The following CCDC154 variants were observed in gnomAD, a reference collection of about 807,000 sequenced individuals.
CCDC154 encodes coiled-coil domain-containing protein 154.
CCDC154 carries 91 observed loss-of-function variants against 87.5 expected under a neutral mutation model. The observed-to-expected ratio is 1.04, with a 90% CI of 0.88 to 1.24. The LOEUF (loss-of-function observed/expected upper bound fraction) is 1.24. Ranked by LOEUF, CCDC154 falls within the 50% of genes most tolerant of loss-of-function variation. The pLI, the probability that CCDC154 is intolerant of heterozygous loss-of-function variation, is 0.00. For synonymous variants in CCDC154, 418 were observed against 400.4 expected (o/e 1.04, Z -0.52); for missense variants, 903 against 879.2 (o/e 1.03, Z -0.34).
At position 1,438,183 on chromosome 16, in the gene CCDC154, G is replaced by T. The variant is rs753765677; in HGVS notation, c.1026-7C>A. The T allele has an allele frequency of 4.6e-6, 7 of 1,531,634 alleles. No homozygotes were observed. The highest frequency in any genetic ancestry group is 5.3e-6 in the Non-Finnish European group (6 of 1,137,574). The allele number at this position is 1,531,634 out of a possible 1,614,324, so 94.9% of individuals were successfully genotyped here. Reference sequence around the variant, plus strand: ...CAAGCGCCCCTTGGCGTCCCTAGGGGTTGGGGACACATAGACACCCTCAGT... The same window carrying T: ...CAAGCGCCCCTTGGCGTCCCTAGGGTTTGGGGACACATAGACACCCTCAGT... On this transcript the variant is annotated splice_region_variant and splice_polypyrimidine_tract_variant and intron_variant, in intron 9 of 16. Coordinates refer to ENST00000389176, the MANE Select transcript of CCDC154 (RefSeq NM_001143980.3).
chr16:1,435,225 C>A (rs1352333436), intron 14 of CCDC154, 50 bp from the exon 15 acceptor site: 3 of 1,492,230 alleles, frequency 2.0e-6, no homozygotes, highest in Non-Finnish European at 2.7e-6. Context: ...TGCTGGCATC[C>A]TGCTGTCCCC....
chr16:1,443,719 G>C (rs761600451), intron 2 of CCDC154, 24 bp from the exon 3 acceptor site: 2 of 1,300,830 alleles, frequency 1.5e-6, no homozygotes, highest in African/African-American at 1.5e-5. Context: ...GAGTGGGCGA[G>C]TCTGGCGGTG....
At position 1,436,753 on chromosome 16, in the gene CCDC154, C is replaced by T. The variant is rs765564071; in HGVS notation, c.1349G>A (p.Arg450Gln). ...TCGCAGGTGTTCGGTCACCTCCTTC[C>T]GCCACCTGGCCAGGTCCTCCAGGGA... Reference protein sequence around the residue: ...RKSLEDLARWRKEVTEHLRGV... With the variant: ...RKSLEDLARWQKEVTEHLRGV... The change falls in exon 12 of 17, where the codon CGG (arginine) becomes CAG (glutamine). Residue 450 changes from arginine (R) to glutamine (Q), a missense_variant. By Grantham distance (43) the Arg-to-Gln change is conservative. Transcript: ENST00000389176. The T allele has an allele frequency of 1.6e-5, 25 of 1,550,406 alleles. No homozygotes were observed. Among genetic ancestry groups the T allele is most frequent in the Admixed American group, 5.9e-5 (3 of 50,992 alleles).
intron 6 of CCDC154, among the ~76,000 whole-genome samples, chr16:1,439,687 C>T (rs2038534418): frequency 6.6e-6 from 1 of 152,304 alleles, no homozygotes; most frequent in South Asian, 2.1e-4. Flanking sequence ...CCCTGCTGGC[C>T]TCCTGCCCCC....
At chr16:1,444,252 G>A in intron 1 of CCDC154, 64 bp downstream of exon 1, 2 of 1,282,998 alleles carry the variant, frequency 1.6e-6, no homozygotes, top group Non-Finnish European at 2.0e-6. Context: ...CAGAAGCAGA[G>A]CGGTCCCCAC....
chr16:1,435,504 CTGTTTT>C (rs566105546), intron 14 of CCDC154, among the ~76,000 whole-genome samples: 2,058 of 151,832 alleles, frequency 0.014, 43 homozygotes, highest in African/African-American at 0.046. Context: ...CCAGGGACAG[CTGTTTT>C]TGTTTTTGTT....
At position 1,434,765 on chromosome 16, in the gene CCDC154, C is replaced by T. The variant is rs1377201435; in HGVS notation, c.1780G>A (p.Ala594Thr). 2 of 1,544,850 alleles carry T rather than the reference C, an allele frequency of 1.3e-6. No individual in the cohort carries two copies. The highest frequency in any genetic ancestry group is 1.7e-6 in the Non-Finnish European group (2 of 1,146,790). ...GPRTPLGSWK[A>T]LPSLVRPRVF... is the part of the protein sequence containing the mutation. The stretch of plus-strand genomic sequence containing the variant: ...CGCGGCCTCACCAGGGATGGGAGCG[C>T]CTTCCAGCTGCCCAGCGGCGTCCGC... The change falls in exon 16 of 17, where the codon GCG (alanine) becomes ACG (threonine). Residue 594 changes from alanine (A) to threonine (T), a missense_variant. Coordinates refer to ENST00000389176, the MANE Select transcript of CCDC154 (RefSeq NM_001143980.3).
chr16:1,443,783 C>G lies in CCDC154; in HGVS notation c.224+13G>C. ...CGTGGTCCTCCCCCGCCAGCACCCC[C>G]TGCAGGGCTCACCACTGCTCCAGCT... is the stretch of plus-strand genomic sequence containing the variant. On this transcript the variant is annotated intron_variant, in intron 2 of 16. Coordinates refer to ENST00000389176, the MANE Select transcript of CCDC154 (RefSeq NM_001143980.3). 1 of 1,305,378 alleles carries G rather than the reference C, an allele frequency of 7.7e-7. No homozygotes were observed. The highest frequency in any genetic ancestry group is 1.0e-6 in the Non-Finnish European group (1 of 990,188). 80.9% of individuals were successfully genotyped at this position (1,305,378 alleles called of 1,614,324 possible). A position where few individuals can be genotyped will look rare whatever the true frequency, so the allele number is the denominator to read the frequency against.
chr16:1,434,564 C>T, intron 16 of CCDC154, 30 bp from the exon 17 acceptor site: 8 of 1,525,316 alleles, frequency 5.2e-6, no homozygotes, highest in Non-Finnish European at 7.0e-6. Flanking sequence ...ATGGCCCCTG[C>T]ACCCCCGCCC....
At chr16:1,442,801 C>G in intron 5 of CCDC154, 79 bp downstream of exon 5, 1 of 1,376,882 alleles carries the variant, frequency 7.3e-7, no homozygotes. Context: ...GGCAGGGGGA[C>G]CCGTGTCTTG....
At chr16:1,443,374 G>T (rs377693995) in intron 3 of CCDC154, 73 bp from the exon 4 acceptor site, 11 of 1,498,986 alleles carry the variant, frequency 7.3e-6, no homozygotes, top group Non-Finnish European at 9.8e-6. Context: ...AGTCCACCCA[G>T]CTCCGGCACC....
Position 1,443,591 on chromosome 16 carries a change from C to T in CCDC154, c.329G>A (p.Arg110His), listed in dbSNP as rs1229288146. The T allele has an allele frequency of 1.5e-5, 22 of 1,454,284 alleles. No homozygotes were observed. Among genetic ancestry groups the T allele is most frequent in the South Asian group, 6.2e-5 (5 of 80,284 alleles). The allele number at this position is 1,454,284 out of a possible 1,614,324, so 90.1% of individuals were successfully genotyped here. ...CAGCTCTGAGCCCTGCAGCTGCACG[C>T]GGGCCCGCACCTGGAGCAGCTCCCG... Reference protein sequence around the residue: ...LLRELLQVRARVQLQGSELRQ... With the variant: ...LLRELLQVRAHVQLQGSELRQ... Residue 110 changes from arginine to histidine, a missense_variant, in exon 3 of 17, where the codon CGC becomes CAC. By Grantham distance (29) the Arg-to-His change is conservative (BLOSUM62 0). Coordinates refer to ENST00000389176, the MANE Select transcript of CCDC154 (RefSeq NM_001143980.3).
chr16:1,444,152 G>A, intron 1 of CCDC154, 140 bp from the exon 2 acceptor site: 7 of 1,016,356 alleles, frequency 6.9e-6, no homozygotes, highest in Non-Finnish European at 7.9e-6. Context: ...ACAGGATCCA[G>A]ACGGGCTTGG....
intron 11 of CCDC154, chr16:1,437,397 G>A: frequency 5.3e-6 from 1 of 189,106 alleles, no homozygotes; most frequent in Non-Finnish European, 1.1e-5. Flanking sequence ...GGTTCTTCCT[G>A]AAGGATGAAT....
rs1020294579 is a variant in CCDC154 at position 1,438,703 on chromosome 16, T to G, written c.941A>C (p.Asp314Ala). ...SHLLEQCQGL[D>A]AAVAQLTKFV... ...CTTGGTCAGCTGGGCCACGGCAGCA[T>G]CCAGGCCCTGGCACTGCTCCAGGAG... Residue 314 changes from aspartate (D) to alanine (A), a missense_variant, in exon 9 of 17, where the codon GAT (aspartate) becomes GCT (alanine). Coordinates refer to ENST00000389176, the MANE Select transcript of CCDC154 (RefSeq NM_001143980.3). The G allele has an allele frequency of 6.5e-7, 1 of 1,549,986 alleles. No individual in the cohort carries two copies. Among genetic ancestry groups the G allele is most frequent in the East Asian group, 2.4e-5 (1 of 40,892 alleles).
chr16:1,442,739 C>G, intron 5 of CCDC154, 141 bp downstream of exon 5: 1 of 1,049,040 alleles, frequency 9.5e-7, no homozygotes, highest in South Asian at 1.6e-5. Context: ...CCCAGGCTTC[C>G]CAGCACGCTT....
chr16:1,441,408 G>T (rs1416205161), intron 6 of CCDC154, among the ~76,000 whole-genome samples: 1 of 152,224 alleles, frequency 6.6e-6, no homozygotes, highest in Non-Finnish European at 1.5e-5. Flanking sequence ...GATGCGCACG[G>T]GAGCTGGCTG....
At chr16:1,434,960 G>A in intron 15 of CCDC154, 108 bp from the exon 16 acceptor site, 10 of 1,416,924 alleles carry the variant, frequency 7.1e-6, no homozygotes, top group Non-Finnish European at 9.4e-6. Flanking sequence ...TATCTTCAGG[G>A]AAACCCTGCC....
intron 6 of CCDC154, among the ~76,000 whole-genome samples, chr16:1,440,732 C>T (rs1448874477): frequency 2.0e-5 from 3 of 151,628 alleles, no homozygotes. Flanking sequence ...GGGCAGATCA[C>T]GAGGTCAGGA....
Sources: allele counts gnomAD v4.1 joint callset (sites outside exome capture counted in the v4.1 genomes callset), GRCh38; gene constraint gnomAD v4.1.1; transcripts MANE v1.5; gene names NCBI Gene and HGNC (gene_info 2026-07-23, HGNC 2026-07-21).